GABRB1: variants seen among roughly 807,000 people sequenced by gnomAD.
GABRB1 encodes gamma-aminobutyric acid receptor subunit beta-1.
In GABRB1, 17 loss-of-function variants were observed where a neutral mutation model predicts 51.6. That is an observed-to-expected ratio of 0.33 (90% CI 0.23 to 0.49). The LOEUF is 0.49. Ranked by LOEUF, GABRB1 falls within the 20% of genes least tolerant of loss-of-function variation. The pLI is 0.99. For synonymous variants in GABRB1, 247 were observed against 218.9 expected (o/e 1.13, Z -1.14); for missense variants, 410 against 600.6 (o/e 0.68, Z 3.32).
chr4:47,091,575 C>T (rs1728293459), intron 3 of GABRB1, among the ~76,000 whole-genome samples: 1 of 152,126 alleles, frequency 6.6e-6, no homozygotes, highest in Non-Finnish European at 1.5e-5. Context: ...CATTCTGTTC[C>T]TCCAGCTAGA....
chr4:47,394,678 C>T lies in GABRB1; in HGVS notation c.545-8640C>T, dbSNP rs549631666. 9.9e-4 allele frequency among the ~76,000 whole-genome samples: 151 copies of T among 151,972 alleles called. 1 individual carries two copies. The Middle Eastern group carries it at 0.01, about 10-fold the overall frequency. On this transcript the variant is annotated intron_variant, in intron 5 of 8. Transcript: ENST00000295454. ...TTCCATCTATCTTTATGAAAAAGTT[C>T]GCCTTTCACACCATCTTCCTGAATG...
At chr4:47,021,559 T>A (rs560331255) in intron 1 of GABRB1, among the ~76,000 whole-genome samples, 1 of 152,254 alleles carries the variant, frequency 6.6e-6, no homozygotes, top group African/African-American at 2.4e-5. Context: ...TCTTCAATAA[T>A]GTGCGGTCTT....
chr4:47,019,935 CGTATATGTATAT>C (rs1176301082), intron 1 of GABRB1, among the ~76,000 whole-genome samples: 1 of 135,544 alleles, frequency 7.4e-6, no homozygotes, highest in African/African-American at 3.2e-5. Context: ...TATATGTATA[CGTATATGTATAT>C]GTATATGTAT....
intron 4 of GABRB1, among the ~76,000 whole-genome samples, chr4:47,162,599 T>C (rs1407932953): frequency 6.6e-6 from 1 of 152,072 alleles, no homozygotes; most frequent in Non-Finnish European, 1.5e-5. Flanking sequence ...TGAAGTTGAA[T>C]ACATTTCATT....
chr4:47,018,088 C>T (rs1247633373), intron 1 of GABRB1, among the ~76,000 whole-genome samples: 4 of 151,360 alleles, frequency 2.6e-5, no homozygotes, highest in African/African-American at 4.9e-5. Context: ...TCTTCTTCTC[C>T]CTCTTCCTCC....
chr4:47,374,485 A>G (rs1035545510), intron 5 of GABRB1, among the ~76,000 whole-genome samples: 5 of 152,262 alleles, frequency 3.3e-5, no homozygotes, highest in African/African-American at 1.2e-4. Flanking sequence ...TGGGCCCATG[A>G]TGAACAGAAT....
intron 3 of GABRB1, among the ~76,000 whole-genome samples, chr4:47,137,712 T>C (rs1469463433): frequency 6.6e-6 from 1 of 152,140 alleles, no homozygotes; most frequent in Non-Finnish European, 1.5e-5. Context: ...CAACTCTTCT[T>C]ACTTAATGAC....
At chr4:47,188,690 T>A (rs1719297953) in intron 4 of GABRB1, among the ~76,000 whole-genome samples, 1 of 151,996 alleles carries the variant, frequency 6.6e-6, no homozygotes, top group African/African-American at 2.4e-5. Context: ...ATAAAATAAG[T>A]ATATTATGGA....
At chr4:47,422,808 G>A (rs993333349) in intron 8 of GABRB1, among the ~76,000 whole-genome samples, 1 of 151,996 alleles carries the variant, frequency 6.6e-6, no homozygotes, top group Non-Finnish European at 1.5e-5. Context: ...CCCTATACAT[G>A]CAACACACAC....
chr4:47,279,474 T>A (rs1723198463), intron 4 of GABRB1, among the ~76,000 whole-genome samples: 1 of 152,204 alleles, frequency 6.6e-6, no homozygotes, highest in South Asian at 2.1e-4. Flanking sequence ...TAAATGCATT[T>A]CTTGTTGGAA....
intron 5 of GABRB1, among the ~76,000 whole-genome samples, chr4:47,363,398 T>A (rs974609205): frequency 1.3e-5 from 2 of 152,050 alleles, no homozygotes; most frequent in East Asian, 3.9e-4. Context: ...GTGTCGGTTA[T>A]GGGGGAGGAA....
chr4:47,137,255 G>A (rs1277833008), intron 3 of GABRB1, among the ~76,000 whole-genome samples: 2 of 152,008 alleles, frequency 1.3e-5, no homozygotes, highest in African/African-American at 4.8e-5. Context: ...AGGAACAGTA[G>A]GAAAGAGGGA....
At chr4:47,255,603 A>G (rs1270400214) in intron 4 of GABRB1, among the ~76,000 whole-genome samples, 4 of 152,376 alleles carry the variant, frequency 2.6e-5, no homozygotes, top group Admixed American at 2.6e-4. Context: ...TAGAATTGAC[A>G]TGCCAGAAGG....
intron 4 of GABRB1, among the ~76,000 whole-genome samples, chr4:47,216,847 C>G (rs1440391547): frequency 1.3e-5 from 2 of 151,840 alleles, no homozygotes; most frequent in Admixed American, 1.3e-4. Context: ...TCCAGGAAGT[C>G]CAGCCCTAAG....
chr4:47,190,174 C>A (rs73815407), intron 4 of GABRB1, among the ~76,000 whole-genome samples: 1,838 of 152,174 alleles, frequency 0.012, 36 homozygotes, highest in African/African-American at 0.042. Context: ...TGTGAACATA[C>A]CTGACAAGGT....
intron 4 of GABRB1, among the ~76,000 whole-genome samples, chr4:47,309,988 C>G (rs1008831388): frequency 3.3e-5 from 5 of 152,146 alleles, no homozygotes; most frequent in Non-Finnish European, 7.4e-5. Flanking sequence ...TATAATAACT[C>G]TCTTTTCTTT....
At chr4:47,005,157 G>A (rs547269706) in intron 1 of GABRB1, among the ~76,000 whole-genome samples, 33 of 152,314 alleles carry the variant, frequency 2.2e-4, no homozygotes, top group African/African-American at 7.2e-4. Flanking sequence ...AGTGGCTCAC[G>A]CCTATAATCC....
intron 5 of GABRB1, among the ~76,000 whole-genome samples, chr4:47,335,891 G>A (rs1725680637): frequency 6.6e-6 from 1 of 152,128 alleles, no homozygotes; most frequent in Non-Finnish European, 1.5e-5. Context: ...GTATTTGGAG[G>A]CATGAATACA....
chr4:47,374,736 A>T (rs1727321316), intron 5 of GABRB1, among the ~76,000 whole-genome samples: 1 of 152,224 alleles, frequency 6.6e-6, no homozygotes, highest in Non-Finnish European at 1.5e-5. Flanking sequence ...GTTGGAGTAA[A>T]TAGCACTGCT....
Sources: gnomAD v4.1 joint callset for allele counts (sites outside exome capture counted in the v4.1 genomes callset) on GRCh38, gnomAD v4.1.1 for gene constraint, MANE v1.5 for transcripts, NCBI Gene and HGNC (gene_info 2026-07-23, HGNC 2026-07-21) for gene names.